Variants in TUB observed in about 807,000 individuals in gnomAD.
TUB encodes the protein tubby protein homolog.
A neutral mutation model predicts 59.7 loss-of-function variants in TUB; 33 were observed. The ratio of observed to expected loss-of-function variants is 0.55; its 90% confidence interval spans 0.42 to 0.74. The LOEUF is 0.74. Among genes scored for constraint, TUB ranks in the 30% least tolerant of loss-of-function variants. The pLI, the probability that TUB is intolerant of heterozygous loss-of-function variation, is 0.00. For missense variants in TUB, 659 were observed against 672.0 expected, an observed-to-expected ratio of 0.98 and a Z score of 0.21; for synonymous variants, 293 against 256.4, an observed-to-expected ratio of 1.14 and a Z score of -1.36.
At chr11:8,092,803 C>T (rs1476551843) in intron 3 of TUB, among the ~76,000 whole-genome samples, 7 of 152,138 alleles carry the variant, frequency 4.6e-5, no homozygotes, top group Admixed American at 1.3e-4. Flanking sequence ...TCCCACCCCG[C>T]CTACAGCATT....
At chr11:8,100,284 C>T (rs1333853397) in intron 9 of TUB, among the ~76,000 whole-genome samples, 7 of 152,072 alleles carry the variant, frequency 4.6e-5, no homozygotes, top group Non-Finnish European at 1.0e-4. Context: ...AACAGCATTG[C>T]CGTGAGCAGA....
chr11:8,101,401 G>T (rs1457441668), intron 11 of TUB, 85 bp from the exon 12 acceptor site: 1 of 1,535,592 alleles, frequency 6.5e-7, no homozygotes, highest in Non-Finnish European at 9.0e-7. Flanking sequence ...CTTCCCTCAT[G>T]TGGTTTGGGT....
chr11:8,037,886 G>A (rs1449144396), upstream of TUB, among the ~76,000 whole-genome samples: 3 of 152,192 alleles, frequency 2.0e-5, no homozygotes, highest in Non-Finnish European at 4.4e-5. Flanking sequence ...TTTGAGAGGA[G>A]CAAGTTAGGT....
chr11:8,066,378 C>G (rs1943242516), intron 2 of TUB, among the ~76,000 whole-genome samples: 1 of 152,218 alleles, frequency 6.6e-6, no homozygotes, highest in South Asian at 2.1e-4. Context: ...GGGGCGAAAG[C>G]AACTCCGTGC....
chr11:8,038,577 C>A (rs6578920), upstream of TUB: 17 of 1,117,434 alleles, frequency 1.5e-5, no homozygotes, highest in South Asian at 4.2e-4. Flanking sequence ...ACTTGGCCTC[C>A]GTGTTGCCAT....
intron 2 of TUB, among the ~76,000 whole-genome samples, chr11:8,056,952 G>A (rs74052196): frequency 0.16 from 24,115 of 152,028 alleles, 2,108 homozygotes; most frequent in African/African-American, 0.21. Flanking sequence ...CACGAGTTAG[G>A]AGGCACCATT....
At position 8,100,878 on chromosome 11, in the gene TUB, T is replaced by A; in HGVS notation, c.1268T>A (p.Ile423Asn). The change falls in exon 11 of 12, where the codon ATC becomes AAC. Residue 423 changes from isoleucine to asparagine, a missense_variant. Ile to Asn is a moderately radical substitution (Grantham distance 149). Around this residue, in one of 3 missense-constraint regions of TUB, gnomAD observed 226 missense variants for 210.8 expected, o/e 1.07. Transcript: ENST00000299506. Reference sequence around the variant, plus strand: ...CAGAATAAGAACACGGAGAGTATCATCGAGCTGCAAAACAAGACACCTGTC... The same window carrying A: ...CAGAATAAGAACACGGAGAGTATCAACGAGCTGCAAAACAAGACACCTGTC... ...RWQNKNTESI[I>N]ELQNKTPVWN... The A allele has an allele frequency of 6.2e-7, 1 of 1,614,130 alleles. No homozygotes were observed. The highest frequency in any genetic ancestry group is 8.5e-7 in the Non-Finnish European group (1 of 1,180,010).
chr11:8,048,701 T>C (rs1942878619), intron 2 of TUB, among the ~76,000 whole-genome samples: 1 of 152,204 alleles, frequency 6.6e-6, no homozygotes. Flanking sequence ...CCACTATGCC[T>C]GGCTGAAAGC....
chr11:8,019,476 G>T, intron 1 of TUB: 1 of 1,070,694 alleles, frequency 9.3e-7, no homozygotes, highest in South Asian at 4.7e-5. Context: ...GGGTGGGCTT[G>T]GGCACCCGGA....
At position 8,105,448 on chromosome 11, in the gene TUB, C is replaced by A. The variant is rs1224053410; in HGVS notation, c.*3829C>A. The A allele has an allele frequency of 6.6e-6, 1 of 152,106 alleles. No individual in the cohort carries two copies. The highest frequency in any genetic ancestry group is 1.5e-5 in the Non-Finnish European group (1 of 68,012). 9.4% of individuals were successfully genotyped at this position (152,106 alleles called of 1,614,324 possible). On this transcript the variant is annotated 3_prime_UTR_variant, in exon 12 of 12. Transcript: ENST00000299506. Reference sequence around the variant, plus strand: ...GGCCACCTGGAATTTTCAGTCATCTCATGATACAGGCGGGAGGGGCAGAAC... The same window carrying A: ...GGCCACCTGGAATTTTCAGTCATCTAATGATACAGGCGGGAGGGGCAGAAC...
rs56870342 is a variant in TUB, at chr11:8,039,430, A to ACTGCCTGCCTGC, written c.156-205_156-194dup. On this transcript the variant is annotated intron_variant, in intron 1 of 12. Coordinates refer to the TUB transcript ENST00000305253. ...TCAGGTCATCACTGCCCTCATCTGG[A>ACTGCCTGCCTGC]CTGCCTGCCTGCCTGCCTGCCATCC... 186 of 441,366 alleles carry ACTGCCTGCCTGC rather than the reference A, an allele frequency of 4.2e-4. No homozygotes were observed. The Middle Eastern group carries it at 5.1e-3, about 12-fold the overall frequency. The allele number at this position is 441,366 out of a possible 1,614,324, so 27.3% of individuals were successfully genotyped here. A position where few individuals can be genotyped will look rare whatever the true frequency, so the allele number is the denominator to read the frequency against.
At chr11:8,057,893 A>C (rs1943044573) in intron 2 of TUB, among the ~76,000 whole-genome samples, 1 of 152,078 alleles carries the variant, frequency 6.6e-6, no homozygotes, top group African/African-American at 2.4e-5. Context: ...ATTTGACTTA[A>C]CCACTCAGTC....
chr11:8,057,723 C>A (rs1167743697), intron 2 of TUB, among the ~76,000 whole-genome samples: 1 of 152,044 alleles, frequency 6.6e-6, no homozygotes, highest in Non-Finnish European at 1.5e-5. Context: ...TTTCTTCAGA[C>A]CCCCAATAAA....
intron 2 of TUB, among the ~76,000 whole-genome samples, chr11:8,042,671 G>T (rs1942773017): frequency 6.6e-6 from 1 of 152,108 alleles, no homozygotes; most frequent in Non-Finnish European, 1.5e-5. Context: ...ATCTCATTGT[G>T]GTTTGGCTTA....
chr11:8,050,255 T>G (rs981647127), intron 2 of TUB, among the ~76,000 whole-genome samples: 3 of 152,256 alleles, frequency 2.0e-5, no homozygotes, highest in Non-Finnish European at 4.4e-5. Flanking sequence ...TTTGGAAAGT[T>G]TAAAGTATTT....
At chr11:8,062,140 T>C (rs1169087634) in intron 2 of TUB, 1 of 151,438 alleles carries the variant, frequency 6.6e-6, no homozygotes, top group Non-Finnish European at 1.5e-5. Context: ...TGAGACGGAG[T>C]CTGCCCAGGC....
At chr11:8,069,354 G>T (rs1943312447) in intron 2 of TUB, 1 of 140,004 alleles carries the variant, frequency 7.1e-6, no homozygotes, top group Non-Finnish European at 1.5e-5. Context: ...TTGTCATAAT[G>T]ATTTTACACT....
intron 2 of TUB, among the ~76,000 whole-genome samples, chr11:8,063,118 G>A (rs895446906): frequency 6.6e-6 from 1 of 152,154 alleles, no homozygotes; most frequent in Non-Finnish European, 1.5e-5. Context: ...AGGGCCCAGC[G>A]CCTCCGGTCC....
At chr11:8,023,450 A>G (rs1942458965) in intron 1 of TUB, among the ~76,000 whole-genome samples, 1 of 152,128 alleles carries the variant, frequency 6.6e-6, no homozygotes, top group African/African-American at 2.4e-5. Flanking sequence ...CCTCTTTTCC[A>G]GTTCACTCTA....
Sources: gnomAD v4.1 joint callset for allele counts (sites outside exome capture counted in the v4.1 genomes callset) on GRCh38, gnomAD v4.1.1 for gene constraint, gnomAD v4.1.1 regional missense constraint, MANE v1.5 for transcripts, NCBI Gene and HGNC (gene_info 2026-07-23, HGNC 2026-07-21) for gene names.